GRK7: variants seen among roughly 807,000 people sequenced by gnomAD.
The protein encoded by GRK7 is rhodopsin kinase GRK7.
A neutral mutation model predicts 34.1 loss-of-function variants in GRK7; 24 were observed. That is an observed-to-expected ratio of 0.70 (90% CI 0.51 to 0.99). GRK7 has a LOEUF of 0.99. Among genes scored for constraint, GRK7 ranks in the 50% least tolerant of loss-of-function variants. The probability of loss-of-function intolerance (pLI) is 0.00; values close to 1 mark genes in which losing one functional copy is unlikely to be tolerated. For missense variants in GRK7, 644 were observed against 707.3 expected (o/e 0.91, Z 1.02); for synonymous variants, 256 against 279.4 (o/e 0.92, Z 0.84).
At chr3:141,804,351 C>T (rs1711001956) in intron 4 of GRK7, among the ~76,000 whole-genome samples, 1 of 152,136 alleles carries the variant, frequency 6.6e-6, no homozygotes, top group South Asian at 2.1e-4. Flanking sequence ...TCAATCCCAT[C>T]TCCCCTCCCT....
intron 4 of GRK7, among the ~76,000 whole-genome samples, chr3:141,800,867 A>C (rs1189314299): frequency 6.6e-6 from 1 of 152,220 alleles, no homozygotes; most frequent in Admixed American, 6.5e-5. Context: ...GGTATTTATG[A>C]GGGCGTATTT....
chr3:141,811,702 G>A lies in GRK7; in HGVS notation c.1325+3783G>A, dbSNP rs1202995672. 5.3e-5 allele frequency among the ~76,000 whole-genome samples: 8 copies of A among 152,038 alleles called. No homozygotes were observed. In the East Asian group the frequency reaches 7.7e-4, roughly 15 times the overall value. On this transcript the variant is annotated intron_variant, in intron 5 of 5. Transcript: ENST00000682958. ...AAAAAATTTAATCAAACGAGATCAC[G>A]TTGGATTAATGTAGTGGGCATCCTC...
rs532094618 is a variant in GRK7 at position 141,763,987 on chromosome 3, G to A, written c.-1966G>A. 4.6e-5 allele frequency among the ~76,000 whole-genome samples: 7 copies of A among 152,188 alleles called. No individual in the cohort carries two copies. Among genetic ancestry groups the A allele is most frequent in the African/African-American group, 9.6e-5 (4 of 41,520 alleles). On this transcript the variant is annotated 5_prime_UTR_variant, in exon 1 of 6. Coordinates refer to ENST00000682958, the MANE Select transcript of GRK7 (RefSeq NM_139209.3). ...AACTGGACCTGGCAACATGCAAGAC[G>A]TCTTCATTTCTCTTCATTGCTGCTC...
chr3:141,787,420 T>C (rs945743538), intron 4 of GRK7, among the ~76,000 whole-genome samples: 7 of 152,088 alleles, frequency 4.6e-5, no homozygotes, highest in Admixed American at 4.6e-4. Context: ...GGTCAGGAGC[T>C]TGAGACCAGC....
chr3:141,780,851 G>A (rs765364065), intron 4 of GRK7, 40 bp downstream of exon 4: 1 of 1,561,040 alleles, frequency 6.4e-7, no homozygotes. Context: ...GGGGCACAGA[G>A]TTGGAAAGGA....
chr3:141,776,191 G>A (rs1203474384), intron 2 of GRK7, among the ~76,000 whole-genome samples: 2 of 152,092 alleles, frequency 1.3e-5, no homozygotes, highest in Admixed American at 1.3e-4. Flanking sequence ...GGAGGCTGAG[G>A]CAGGAGAATG....
chr3:141,809,307 C>T lies in GRK7; in HGVS notation c.1325+1388C>T, dbSNP rs112687634. 4.4e-3 allele frequency among the ~76,000 whole-genome samples: 669 copies of T among 152,210 alleles called. 4 individuals are homozygous for T. Among genetic ancestry groups the T allele is most frequent in the African/African-American group, 0.015 (627 of 41,522 alleles). On this transcript the variant is annotated intron_variant, in intron 5 of 5. Coordinates refer to ENST00000682958, the MANE Select transcript of GRK7 (RefSeq NM_139209.3). ...AATTCTGTTCCTTTCAAATGTCTCC[C>T]GTAGGATATCATCAGTCCTTCAAAA... is the stretch of plus-strand genomic sequence containing the variant.
At chr3:141,757,279 A>G in the GRK7 span, among the ~76,000 whole-genome samples, 1 of 151,184 alleles carries the variant, frequency 6.6e-6, no homozygotes. Flanking sequence ...AGGTATATCT[A>G]TCTCCCAATG....
rs796539386 is a variant in GRK7, at chr3:141,789,663, A to AAAAAAAAAAAAAAAC, written c.1050+8859_1050+8860insAAAAAAACAAAAAAA. ...GACTGGATGCCAAATGGGCAAAAAA[A>AAAAAAAAAAAAAAAC]AAAAAAACACAAAACAGTGGAGGCC... On this transcript the variant is annotated intron_variant, in intron 4 of 5. Transcript: ENST00000682958. 3.5e-4 allele frequency among the ~76,000 whole-genome samples: 52 copies of AAAAAAAAAAAAAAAC among 146,870 alleles called. 2 individuals are homozygous for AAAAAAAAAAAAAAAC. Among genetic ancestry groups the AAAAAAAAAAAAAAAC allele is most frequent in the Middle Eastern group, 7.1e-3 (2 of 280 alleles).
chr3:141,806,038 G>T (rs1253317581), intron 4 of GRK7, among the ~76,000 whole-genome samples: 1 of 152,046 alleles, frequency 6.6e-6, no homozygotes, highest in Non-Finnish European at 1.5e-5. Flanking sequence ...TAAATTCCTT[G>T]GTATTAACAA....
intron 4 of GRK7, among the ~76,000 whole-genome samples, chr3:141,781,192 G>A (rs1362240322): frequency 6.6e-6 from 1 of 152,102 alleles, no homozygotes; most frequent in Non-Finnish European, 1.5e-5. Context: ...TGAAGGGGCT[G>A]GACCCTAAAA....
the GRK7 span, among the ~76,000 whole-genome samples, chr3:141,755,101 T>C: frequency 2.0e-5 from 3 of 152,262 alleles, no homozygotes; most frequent in African/African-American, 7.2e-5. Context: ...GTACCTGTTC[T>C]CTGTATTTTG....
intron 5 of GRK7, 90 bp from the exon 6 acceptor site, chr3:141,816,624 A>T: frequency 1.5e-6 from 1 of 661,846 alleles, no homozygotes; most frequent in Non-Finnish European, 2.5e-6. Context: ...AAAATGTAAG[A>T]AAAGAATGCT....
intron 4 of GRK7, among the ~76,000 whole-genome samples, chr3:141,807,299 C>G (rs563578191): frequency 1.8e-3 from 279 of 152,258 alleles, no homozygotes; most frequent in African/African-American, 6.5e-3. Flanking sequence ...TTATAGACAT[C>G]CACTTGAACT....
rs2084650866 is a variant in GRK7 at position 141,778,328 on chromosome 3, C to T, written c.44C>T (p.Ala15Val). ...CTGGACAACCTGATCGCCAACACCG[C>T]CTACCTGCAGGCCCGGAAGCCCTCG... is the stretch of plus-strand genomic sequence containing the variant. ...GALDNLIANT[A>V]YLQARKPSDC... Residue 15 changes from alanine to valine, a missense_variant, in exon 3 of 6, where the codon GCC becomes GTC. Coordinates refer to ENST00000682958, the MANE Select transcript of GRK7 (RefSeq NM_139209.3). This position sits in a 1 kb window ranked among gnomAD's most constrained non-coding sequence, Gnocchi z 4.1. 1 of 1,601,050 alleles carries T rather than the reference C, an allele frequency of 6.2e-7. No individual in the cohort carries two copies. The highest frequency in any genetic ancestry group is 8.5e-7 in the Non-Finnish European group (1 of 1,171,800).
Position 141,778,438 on chromosome 3 carries a change from C to T in GRK7, c.154C>T (p.Leu52=). The change falls in exon 3 of 6, where the codon CTG becomes TTG. Residue 52 remains leucine (L), a synonymous_variant. Coordinates refer to ENST00000682958, the MANE Select transcript of GRK7 (RefSeq NM_139209.3). The surrounding 1 kb of genome is among the most constrained non-coding windows in gnomAD (Gnocchi z 4.1). ...GGGCTGCGCGGAGCTCCGCCAGAAG[C>T]TGTCCCTGAACTTCCACAGCCTGTG... The part of the protein sequence containing the change: ...LQGCAELRQK[L]SLNFHSLCEQ... 1.9e-6 allele frequency: 3 copies of T among 1,613,038 alleles called. No homozygotes were observed. Among genetic ancestry groups the T allele is most frequent in the Admixed American group, 1.7e-5 (1 of 60,004 alleles).
intron 4 of GRK7, among the ~76,000 whole-genome samples, chr3:141,784,330 C>T (rs920516644): frequency 2.6e-5 from 4 of 152,218 alleles, no homozygotes; most frequent in African/African-American, 9.6e-5. Context: ...GCATCCCTCT[C>T]CGTCCCGTGA....
intron 4 of GRK7, among the ~76,000 whole-genome samples, chr3:141,806,968 T>C (rs1354275699): frequency 6.6e-6 from 1 of 151,962 alleles, no homozygotes; most frequent in Non-Finnish European, 1.5e-5. Context: ...AGTGAATATG[T>C]ATATATATTT....
chr3:141,810,286 C>T lies in GRK7; in HGVS notation c.1325+2367C>T, dbSNP rs569476033. On this transcript the variant is annotated intron_variant, in intron 5 of 5. Coordinates refer to ENST00000682958, the MANE Select transcript of GRK7 (RefSeq NM_139209.3). ...TCTTTCTCTCTCTCCCCCCTCTTTT[C>T]TCTCTCTCTCTCTCCCCATCCCTCC... 1.1e-4 allele frequency among the ~76,000 whole-genome samples: 17 copies of T among 148,370 alleles called. No individual in the cohort carries two copies. The South Asian group carries it at 1.3e-3, about 11-fold the overall frequency.
Sources: gnomAD v4.1 joint callset for allele counts (sites outside exome capture counted in the v4.1 genomes callset) on GRCh38, gnomAD v4.1.1 for gene constraint, Gnocchi (gnomAD v3.1) non-coding constraint, MANE v1.5 for transcripts, NCBI Gene and HGNC (gene_info 2026-07-23, HGNC 2026-07-21) for gene names.